The following MYSM1 variants were observed in gnomAD, a reference collection of about 807,000 sequenced individuals.
MYSM1 encodes the protein deubiquitinase MYSM1.
Under a neutral mutation model 116.0 loss-of-function variants are expected in MYSM1, and 51 were observed. The observed-to-expected ratio is 0.44, with a 90% CI of 0.35 to 0.56. The LOEUF (loss-of-function observed/expected upper bound fraction) is 0.56, where lower values mean the gene tolerates loss of function less well. Ranked by LOEUF, MYSM1 falls within the 20% of genes least tolerant of loss-of-function variation. MYSM1 has a pLI of 0.00. For synonymous variants in MYSM1, 313 were observed against 315.2 expected (o/e 0.99, Z 0.07); for missense variants, 900 against 974.9 (o/e 0.92, Z 1.02).
At chr1:58,685,376 A>G (rs1644813441) in intron 6 of MYSM1, 125 bp from the exon 7 acceptor site, 1 of 621,872 alleles carries the variant, frequency 1.6e-6, no homozygotes, top group Non-Finnish European at 2.7e-6. Context: ...TGAAGCACAC[A>G]ATAAAGTCTT....
chr1:58,695,090 A>C (rs1392208753), intron 2 of MYSM1, 39 bp downstream of exon 2: 2 of 1,310,374 alleles, frequency 1.5e-6, no homozygotes, highest in African/African-American at 2.9e-5. Context: ...GGCAATAAAT[A>C]ACAGCTTAAT....
chr1:58,660,310 T>C (rs1321385415), intron 19 of MYSM1, among the ~76,000 whole-genome samples, 155 bp from the exon 20 acceptor site: 1 of 152,182 alleles, frequency 6.6e-6, no homozygotes, highest in African/African-American at 2.4e-5. Flanking sequence ...TTGTGTTTAA[T>C]AGTCACAGAG....
rs909978761 is a variant in MYSM1 at position 58,657,707 on chromosome 1, T to C, written c.*2290A>G. 6.6e-6 allele frequency: 1 copy of C among 152,194 alleles called. No individual in the cohort carries two copies. The highest frequency in any genetic ancestry group is 6.5e-5 in the Admixed American group (1 of 15,270). The allele number at this position is 152,194 out of a possible 1,614,324, so 9.4% of individuals were successfully genotyped here. On this transcript the variant is annotated 3_prime_UTR_variant, in exon 20 of 20. Transcript: ENST00000472487. The stretch of plus-strand genomic sequence containing the variant: ...ATTTGTACTTCACACTTCTCTGTAT[T>C]TTAAAATATACTTTACAAGACAAAT...
In MYSM1 at chr1:58,681,980, A is replaced by G; in HGVS notation, c.1064T>C (p.Met355Thr). The G allele has an allele frequency of 6.2e-7, 1 of 1,614,108 alleles. No individual in the cohort carries two copies. Among genetic ancestry groups the G allele is most frequent in the Non-Finnish European group, 8.5e-7 (1 of 1,180,020 alleles). ...TACCATTTGGCAAGAATGAAAAAGCATTTCATTATCATTCAAATTTTTCTG... is the reference window on the plus strand; with the variant it reads ...TACCATTTGGCAAGAATGAAAAAGCGTTTCATTATCATTCAAATTTTTCTG... ...EIQKNLNDNE[M>T]LFHSCQMVEE... The change falls in exon 8 of 20, where the codon ATG (methionine) becomes ACG (threonine). Residue 355 changes from methionine (M) to threonine (T), a missense_variant. Met to Thr is a moderately conservative substitution (Grantham distance 81). Transcript: ENST00000472487.
intron 17 of MYSM1, among the ~76,000 whole-genome samples, chr1:58,662,869 G>A (rs2100590426): frequency 6.6e-6 from 1 of 152,106 alleles, no homozygotes; most frequent in Non-Finnish European, 1.5e-5. Flanking sequence ...AGTACACGGG[G>A]TATTAAGCAA....
intron 10 of MYSM1, among the ~76,000 whole-genome samples, chr1:58,674,934 A>AG (rs111272709): frequency 0.056 from 8,531 of 151,098 alleles, 796 homozygotes; most frequent in African/African-American, 0.19. Flanking sequence ...CTCAAAAAAA[A>AG]AAAAAAAAGA....
Position 58,699,979 on chromosome 1 carries a change from C to G in MYSM1, c.68+6G>C, listed in dbSNP as rs1444940972. 1.2e-6 allele frequency: 2 copies of G among 1,613,522 alleles called. No homozygotes were observed. The highest frequency in any genetic ancestry group is 2.2e-5 in the South Asian group (2 of 91,086). On this transcript the variant is annotated splice_donor_region_variant and intron_variant, in intron 1 of 19. Coordinates refer to ENST00000472487, the MANE Select transcript of MYSM1 (RefSeq NM_001085487.3). ...GCCCCAGAGAGACCCGGTCTCTAAG[C>G]CTCACCCTGGCTGTGCCCCCGCCGC...
intron 14 of MYSM1, 162 bp downstream of exon 14, chr1:58,668,470 T>A: frequency 7.4e-7 from 1 of 1,359,562 alleles, no homozygotes; most frequent in African/African-American, 1.5e-5. Context: ...ATGCAATTGT[T>A]TGGCTTTTCT....
Position 58,676,949 on chromosome 1 carries a change from A to G in MYSM1, c.1367T>C (p.Ile456Thr), listed in dbSNP as rs1043661182. Residue 456 changes from isoleucine (I) to threonine (T), a missense_variant, in exon 9 of 20, where the codon ATA becomes ACA. Physicochemically the swap from Ile to Thr is moderately conservative, Grantham distance 89 (BLOSUM62 -1). Coordinates refer to ENST00000472487, the MANE Select transcript of MYSM1 (RefSeq NM_001085487.3). ...IGRIHTYLELIGAINFGCEQA... is the reference protein window; with the variant it reads ...IGRIHTYLELTGAINFGCEQA... ...ACCACATCCAAAATTGATTGCTCCT[A>G]TCAATTCGAGGTATGTATGAATCCG... 1.1e-5 allele frequency: 17 copies of G among 1,611,806 alleles called. No individual in the cohort carries two copies. Among genetic ancestry groups the G allele is most frequent in the Admixed American group, 1.7e-5 (1 of 59,714 alleles).
In MYSM1 at chr1:58,682,221, A is replaced by C. The variant is rs749595480; in HGVS notation, c.823T>G (p.Ser275Ala). ...TCATTTTGAAGACAGCCCCTGGAAG[A>C]CTTAGAAAAGAGAGCTTCCTGGCTG... The part of the protein sequence containing the change: ...SDSQEALFSK[S>A]SRGCLQNEKQ... Residue 275 changes from serine (S) to alanine (A), a missense_variant, in exon 8 of 20, where the codon TCT becomes GCT. Physicochemically the swap from Ser to Ala is moderately conservative, Grantham distance 99 (BLOSUM62 1). Around this residue, in one of 3 missense-constraint regions of MYSM1, gnomAD observed 622 missense variants for 623.7 expected, o/e 1.00. Coordinates refer to ENST00000472487, the MANE Select transcript of MYSM1 (RefSeq NM_001085487.3). The C allele has an allele frequency of 1.2e-6, 2 of 1,613,194 alleles. No homozygotes were observed. Among genetic ancestry groups the C allele is most frequent in the South Asian group, 2.2e-5 (2 of 91,064 alleles).
At position 58,695,391 on chromosome 1, in the gene MYSM1, G is replaced by A. The variant is rs538048742; in HGVS notation, c.69-184C>T. On this transcript the variant is annotated intron_variant, in intron 1 of 19. Coordinates refer to ENST00000472487, the MANE Select transcript of MYSM1 (RefSeq NM_001085487.3). ...TCTACCTCTTTGGCCTGTGAAACACGTGGTAGTGCTAAGCTACCCCATCTC... is the reference window on the plus strand; with the variant it reads ...TCTACCTCTTTGGCCTGTGAAACACATGGTAGTGCTAAGCTACCCCATCTC... Among the ~76,000 whole-genome samples the A allele has an allele frequency of 1.1e-4, 17 of 152,248 alleles. 1 individual carries two copies. The highest frequency in any genetic ancestry group is 8.3e-4 in the South Asian group (4 of 4,822).
chr1:58,681,690 T>C, intron 8 of MYSM1, 95 bp downstream of exon 8: 1 of 1,260,130 alleles, frequency 7.9e-7, no homozygotes, highest in Non-Finnish European at 1.1e-6. Context: ...GATCTCTAGA[T>C]TTACTAGCAA....
intron 8 of MYSM1, 117 bp downstream of exon 8, chr1:58,681,668 C>T (rs1365586243): frequency 1.0e-6 from 1 of 970,514 alleles, no homozygotes; most frequent in Non-Finnish European, 1.4e-6. Context: ...CTTAAATCTT[C>T]CCTACTGTAG....
intron 6 of MYSM1, among the ~76,000 whole-genome samples, chr1:58,685,516 T>C (rs926675906): frequency 7.9e-5 from 12 of 152,348 alleles, no homozygotes; most frequent in South Asian, 2.1e-4. Flanking sequence ...AGATATTGCC[T>C]AACTGAATGA....
intron 8 of MYSM1, among the ~76,000 whole-genome samples, chr1:58,681,277 CATCT>C (rs1367914429): frequency 1.3e-5 from 2 of 152,194 alleles, no homozygotes; most frequent in Non-Finnish European, 2.9e-5. Context: ...GAATAAGCTT[CATCT>C]ATCAGAAAAC....
rs1644359515 is a variant in MYSM1, at chr1:58,659,277, C to T, written c.*720G>A. ...TCCAGTTAAATGAGGTTTTATCACA[C>T]CTACTAATGTAAGTGGACTCACAAT... On this transcript the variant is annotated 3_prime_UTR_variant, in exon 20 of 20. Transcript: ENST00000472487. 1 of 152,092 alleles carries T rather than the reference C, an allele frequency of 6.6e-6. No individual in the cohort carries two copies. Among genetic ancestry groups the T allele is most frequent in the Non-Finnish European group, 1.5e-5 (1 of 68,008 alleles). The allele number at this position is 152,092 out of a possible 1,614,324, so 9.4% of individuals were successfully genotyped here.
At chr1:58,665,283 G>C (rs2100596579) in intron 17 of MYSM1, among the ~76,000 whole-genome samples, 1 of 152,286 alleles carries the variant, frequency 6.6e-6, no homozygotes, top group South Asian at 2.1e-4. Context: ...CTTTTGCCCA[G>C]TGGCCATGGT....
rs1242540510 is a variant in MYSM1, at chr1:58,684,949, TAAATA to T, written c.498+199_498+203del. 2.6e-5 allele frequency among the ~76,000 whole-genome samples: 4 copies of T among 152,208 alleles called. No homozygotes were observed. In the East Asian group the frequency reaches 7.7e-4, roughly 29 times the overall value. On this transcript the variant is annotated intron_variant, in intron 7 of 19. Coordinates refer to ENST00000472487, the MANE Select transcript of MYSM1 (RefSeq NM_001085487.3). ...TTTTGTCCATTTAACTTTATAAAAT[TAAATA>T]GAGTAACATGATACCTATTTAATGG...
intron 11 of MYSM1, 30 bp downstream of exon 11, chr1:58,673,543 T>C: frequency 3.8e-6 from 6 of 1,581,862 alleles, no homozygotes; most frequent in Non-Finnish European, 5.2e-6. Context: ...CCAGTTTTCA[T>C]GGATGAGCCA....
Sources: gnomAD v4.1 joint callset for allele counts (sites outside exome capture counted in the v4.1 genomes callset) on GRCh38, gnomAD v4.1.1 for gene constraint, gnomAD v4.1.1 regional missense constraint, MANE v1.5 for transcripts, NCBI Gene and HGNC (gene_info 2026-07-23, HGNC 2026-07-21) for gene names.